The following SAV1 variants were observed in gnomAD, a reference collection of about 807,000 sequenced individuals.
SAV1 encodes protein salvador homolog 1.
In SAV1, 23 loss-of-function variants were observed where a neutral mutation model predicts 47.3. The ratio of observed to expected loss-of-function variants is 0.49; its 90% CI spans 0.35 to 0.69. SAV1 has a LOEUF of 0.69. Among genes scored for constraint, SAV1 ranks in the 30% least tolerant of loss-of-function variants. The pLI, the probability that SAV1 is intolerant of heterozygous loss-of-function variation, is 0.01. For synonymous variants in SAV1, 155 were observed against 159.2 expected (o/e 0.97, Z 0.20); for missense variants, 448 against 457.4 (o/e 0.98, Z 0.19).
At position 50,665,436 on chromosome 14, in the gene SAV1, A is replaced by G. The variant is rs1182811017; in HGVS notation, c.278T>C (p.Leu93Ser). ...HEIMRRESNR[L>S]SAPSYLARSL... The stretch of plus-strand genomic sequence containing the variant: ...TCTGGCAAGATAAGAAGGTGCAGAT[A>G]ATCTGTTGCTTTCTCTTCTCATTAT... Residue 93 changes from leucine to serine, a missense_variant, in exon 2 of 5, where the codon TTA becomes TCA. Coordinates refer to ENST00000324679, the MANE Select transcript of SAV1 (RefSeq NM_021818.4). 3 of 1,613,544 alleles carry G rather than the reference A, an allele frequency of 1.9e-6. No homozygotes were observed. Among genetic ancestry groups the G allele is most frequent in the Non-Finnish European group, 2.5e-6 (3 of 1,179,670 alleles).
Position 50,635,402 on chromosome 14 carries a change from CAT to C in SAV1, c.951-20_951-19del, listed in dbSNP as rs1375659283. On this transcript the variant is annotated intron_variant, in intron 4 of 4. Transcript: ENST00000324679. ...GGTCATATCTGTTTTAAAACACAAT[CAT>C]ATATATGTTCACAACACATACATAA... 1 of 1,596,182 alleles carries C rather than the reference CAT, an allele frequency of 6.3e-7. No homozygotes were observed. The highest frequency in any genetic ancestry group is 8.6e-7 in the Non-Finnish European group (1 of 1,163,952).
chr14:50,659,211 G>A (rs143982434), intron 2 of SAV1, among the ~76,000 whole-genome samples: 127 of 151,558 alleles, frequency 8.4e-4, no homozygotes, highest in Non-Finnish European at 1.1e-3. Flanking sequence ...GAAGTCTACT[G>A]TCTCATTAAA....
Position 50,634,858 on chromosome 14 carries a change from G to T in SAV1, c.*325C>A. The T allele has an allele frequency of 9.8e-6, 2 of 203,218 alleles. No individual in the cohort carries two copies. Among genetic ancestry groups the T allele is most frequent in the Admixed American group, 5.7e-5 (1 of 17,696 alleles). The allele number at this position is 203,218 out of a possible 1,614,324, so 12.6% of individuals were successfully genotyped here. On this transcript the variant is annotated 3_prime_UTR_variant, in exon 5 of 5. Coordinates refer to ENST00000324679, the MANE Select transcript of SAV1 (RefSeq NM_021818.4). ...TTTTTTTTTTAAAGAAGGTACTACT[G>T]CTGTAAGAAGTTAACAAGTAATAAT...
intron 2 of SAV1, among the ~76,000 whole-genome samples, chr14:50,650,490 T>C (rs2039758825): frequency 6.6e-6 from 1 of 152,250 alleles, no homozygotes; most frequent in South Asian, 2.1e-4. Flanking sequence ...CCTGTCCTCC[T>C]GGGATTCACA....
chr14:50,636,299 G>A (rs962730478), intron 4 of SAV1, among the ~76,000 whole-genome samples: 3 of 151,092 alleles, frequency 2.0e-5, no homozygotes, highest in African/African-American at 4.8e-5. Flanking sequence ...TCATGTTGAT[G>A]CATCTTTTTG....
At chr14:50,638,640 A>C (rs2039656880) in intron 4 of SAV1, among the ~76,000 whole-genome samples, 1 of 152,164 alleles carries the variant, frequency 6.6e-6, no homozygotes, top group Admixed American at 6.5e-5. Context: ...CAGGACTGCC[A>C]AGCCACTGGA....
At position 50,667,923 on chromosome 14, in the gene SAV1, G is replaced by C. The variant is rs772067484; in HGVS notation, c.45C>G (p.Ala15=). 6 of 1,612,918 alleles carry C rather than the reference G, an allele frequency of 3.7e-6. No homozygotes were observed. Among genetic ancestry groups the C allele is most frequent in the South Asian group, 1.1e-5 (1 of 91,042 alleles). ...TCTTCACGTACTTCCCCTGCACCTCGGCCGGCTTGGACACTTCGTTTTTGG... is the reference window on the plus strand; with the variant it reads ...TCTTCACGTACTTCCCCTGCACCTCCGCCGGCTTGGACACTTCGTTTTTGG... ...KKTKNEVSKP[A]EVQGKYVKKE... Residue 15 remains alanine (A), a synonymous_variant, in exon 1 of 5, where the codon GCC becomes GCG. Transcript: ENST00000324679.
At chr14:50,636,846 G>A (rs1027886464) in intron 4 of SAV1, among the ~76,000 whole-genome samples, 5 of 152,168 alleles carry the variant, frequency 3.3e-5, no homozygotes, top group Non-Finnish European at 7.4e-5. Flanking sequence ...TGTTATACCC[G>A]AAATTATACC....
chr14:50,648,579 A>C (rs2039741538), intron 2 of SAV1, among the ~76,000 whole-genome samples: 1 of 152,140 alleles, frequency 6.6e-6, no homozygotes, highest in Non-Finnish European at 1.5e-5. Flanking sequence ...GGAGATCGAG[A>C]CCATCCTGGC....
intron 1 of SAV1, chr14:50,667,423 C>T (rs1188271138): frequency 4.4e-6 from 2 of 456,262 alleles, no homozygotes; most frequent in Non-Finnish European, 8.8e-6. Flanking sequence ...AGGAATTCTG[C>T]CCCAGAGTTC....
At chr14:50,654,575 T>C (rs1396953925) in intron 2 of SAV1, among the ~76,000 whole-genome samples, 5 of 152,190 alleles carry the variant, frequency 3.3e-5, no homozygotes, top group Non-Finnish European at 7.3e-5. Context: ...GTTTGAAATA[T>C]TGCAAGAATT....
At chr14:50,666,319 T>C (rs1011608320) in intron 1 of SAV1, among the ~76,000 whole-genome samples, 1 of 152,266 alleles carries the variant, frequency 6.6e-6, no homozygotes, top group Middle Eastern at 3.4e-3. Context: ...TAGTAGATAA[T>C]AGAACAACAG....
intron 2 of SAV1, among the ~76,000 whole-genome samples, chr14:50,645,967 C>A (rs562599434): frequency 5.3e-5 from 8 of 152,210 alleles, no homozygotes; most frequent in African/African-American, 1.9e-4. Flanking sequence ...AACTACAAAA[C>A]ACTGATGAAA....
At chr14:50,635,535 C>T (rs894258404) in intron 4 of SAV1, 151 bp from the exon 5 acceptor site, 3 of 698,926 alleles carry the variant, frequency 4.3e-6, no homozygotes, top group East Asian at 5.6e-5. Flanking sequence ...ACAGTGGTGG[C>T]GCCTATTATA....
At chr14:50,636,445 G>GAA (rs1332925174) in intron 4 of SAV1, among the ~76,000 whole-genome samples, 2 of 152,156 alleles carry the variant, frequency 1.3e-5, no homozygotes, top group African/African-American at 4.8e-5. Context: ...ACTAAAGAAG[G>GAA]AAAGAATAAA....
At chr14:50,654,804 G>A (rs1398045281) in intron 2 of SAV1, among the ~76,000 whole-genome samples, 1 of 152,182 alleles carries the variant, frequency 6.6e-6, no homozygotes, top group Non-Finnish European at 1.5e-5. Context: ...GATGAATTAA[G>A]CTGACATCTG....
intron 2 of SAV1, among the ~76,000 whole-genome samples, chr14:50,647,207 T>C (rs2039729671): frequency 6.6e-6 from 1 of 152,118 alleles, no homozygotes; most frequent in South Asian, 2.1e-4. Flanking sequence ...TTTACCATGA[T>C]GCTGAAAGTT....
At chr14:50,643,371 G>C (rs1387418443) in intron 3 of SAV1, among the ~76,000 whole-genome samples, 1 of 152,162 alleles carries the variant, frequency 6.6e-6, no homozygotes, top group Non-Finnish European at 1.5e-5. Flanking sequence ...AATCATGGCA[G>C]AAGATGAAGG....
chr14:50,642,445 C>T (rs756573680), intron 3 of SAV1, among the ~76,000 whole-genome samples: 14 of 150,512 alleles, frequency 9.3e-5, no homozygotes, highest in Non-Finnish European at 1.6e-4. Flanking sequence ...GCTGAGATCG[C>T]GCCACTGCAC....
Sources: allele counts gnomAD v4.1 joint callset (sites outside exome capture counted in the v4.1 genomes callset), GRCh38; gene constraint gnomAD v4.1.1; transcripts MANE v1.5; gene names NCBI Gene and HGNC (gene_info 2026-07-23, HGNC 2026-07-21).